The following CDC73 variants were observed in gnomAD, a reference collection of about 807,000 sequenced individuals.
The protein encoded by CDC73 is parafibromin.
CDC73 carries 21 observed loss-of-function variants against 83.7 expected under a neutral mutation model. The ratio of observed to expected loss-of-function variants is 0.25; its 90% CI spans 0.18 to 0.36. The LOEUF is 0.36. Among genes scored for constraint, CDC73 ranks in the 10% least tolerant of loss-of-function variants. The pLI is 1.00. For missense variants in CDC73, 342 were observed against 653.3 expected (o/e 0.52, Z 5.19); for synonymous variants, 224 against 212.9 (o/e 1.05, Z -0.45).
intron 15 of CDC73, among the ~76,000 whole-genome samples, chr1:193,248,404 A>G (rs569078278): frequency 5.9e-5 from 9 of 152,186 alleles, no homozygotes; most frequent in African/African-American, 2.2e-4. Context: ...GTTCAAGGAG[A>G]TGAATGTTGT....
At chr1:193,197,161 G>T (rs1049328901) in intron 10 of CDC73, among the ~76,000 whole-genome samples, 1 of 151,922 alleles carries the variant, frequency 6.6e-6, no homozygotes, top group African/African-American at 2.4e-5. Flanking sequence ...ATTAATTTTT[G>T]TCTTTTTTTT....
chr1:193,220,489 A>G (rs531477713), intron 13 of CDC73, among the ~76,000 whole-genome samples: 11 of 152,308 alleles, frequency 7.2e-5, no homozygotes, highest in Non-Finnish European at 1.5e-5. Flanking sequence ...CATCTAAAAA[A>G]ACCATACTGC....
chr1:193,186,241 T>G (rs1363448858), intron 10 of CDC73: 1 of 152,632 alleles, frequency 6.6e-6, no homozygotes, highest in Non-Finnish European at 1.5e-5. Flanking sequence ...ATTTTCCCTT[T>G]CTTTCATTTT....
At chr1:193,198,464 G>T (rs566653772) in intron 10 of CDC73, among the ~76,000 whole-genome samples, 4 of 152,274 alleles carry the variant, frequency 2.6e-5, no homozygotes, top group African/African-American at 9.6e-5. Flanking sequence ...CCCTCCAGAG[G>T]ATGCAACAAT....
At chr1:193,146,208 G>T (rs1675998108) in intron 7 of CDC73, among the ~76,000 whole-genome samples, 2 of 152,220 alleles carry the variant, frequency 1.3e-5, no homozygotes, top group East Asian at 1.9e-4. Flanking sequence ...GCTTAGAGTA[G>T]ATTCTTACTA....
At chr1:193,161,519 T>TCAAA (rs1676308007) in intron 10 of CDC73, among the ~76,000 whole-genome samples, 1 of 140,480 alleles carries the variant, frequency 7.1e-6, no homozygotes, top group African/African-American at 2.6e-5. Context: ...AAATTAGAGT[T>TCAAA]TTATTTTGAA....
At chr1:193,177,825 G>C (rs952240288) in intron 10 of CDC73, among the ~76,000 whole-genome samples, 3 of 152,100 alleles carry the variant, frequency 2.0e-5, no homozygotes, top group Non-Finnish European at 4.4e-5. Flanking sequence ...TATACAAAGA[G>C]GTGTGAGGAG....
chr1:193,210,014 TTATATTCCACATGACAC>T (rs1460036345), intron 11 of CDC73, among the ~76,000 whole-genome samples: 2 of 152,234 alleles, frequency 1.3e-5, no homozygotes, highest in African/African-American at 4.8e-5. Context: ...CGAGACTATA[TTATATTCCACATGACAC>T]TATGTAGCCA....
At chr1:193,158,213 A>G (rs10801182) in intron 10 of CDC73, among the ~76,000 whole-genome samples, 109,954 of 151,810 alleles carry the variant, frequency 0.72, 40,093 homozygotes, top group South Asian at 0.82. Flanking sequence ...TTTTGCAACA[A>G]CTATGTATGT....
intron 7 of CDC73, among the ~76,000 whole-genome samples, chr1:193,146,244 T>C (rs1188093560): frequency 6.6e-6 from 1 of 152,132 alleles, no homozygotes; most frequent in East Asian, 1.9e-4. Context: ...GTTAAGTGAT[T>C]GATAGGCAGC....
chr1:193,229,074 T>C (rs1677613215), intron 13 of CDC73, among the ~76,000 whole-genome samples: 2 of 152,178 alleles, frequency 1.3e-5, no homozygotes, highest in South Asian at 4.1e-4. Context: ...CTATTTCACA[T>C]ACCCATTAGA....
chr1:193,135,220 A>G (rs1365814836), intron 3 of CDC73, among the ~76,000 whole-genome samples, 171 bp from the exon 4 acceptor site: 2 of 152,186 alleles, frequency 1.3e-5, no homozygotes, highest in African/African-American at 4.8e-5. Context: ...TCTAGTATAG[A>G]TTAATCTTTT....
At chr1:193,134,059 A>T (rs553928935) in intron 3 of CDC73, among the ~76,000 whole-genome samples, 1 of 152,152 alleles carries the variant, frequency 6.6e-6, no homozygotes, top group Admixed American at 6.5e-5. Context: ...GCAGCAGTCT[A>T]ACATTACAAA....
chr1:193,193,124 A>T (rs576168696), intron 10 of CDC73, among the ~76,000 whole-genome samples: 1 of 152,318 alleles, frequency 6.6e-6, no homozygotes, highest in East Asian at 1.9e-4. Flanking sequence ...AGACATGCCA[A>T]GTTTATAGGA....
intron 10 of CDC73, among the ~76,000 whole-genome samples, chr1:193,191,761 T>C (rs1676922115): frequency 6.6e-6 from 1 of 152,182 alleles, no homozygotes; most frequent in African/African-American, 2.4e-5. Flanking sequence ...AGATTGGTTG[T>C]ATTACCTGTG....
intron 11 of CDC73, among the ~76,000 whole-genome samples, chr1:193,204,882 C>A (rs1017835032): frequency 6.6e-6 from 1 of 152,044 alleles, no homozygotes; most frequent in African/African-American, 2.4e-5. Context: ...AATTTTTTTC[C>A]TGCAGCAGCA....
chr1:193,199,718 A>G (rs1182722608), intron 10 of CDC73, among the ~76,000 whole-genome samples: 1 of 151,982 alleles, frequency 6.6e-6, no homozygotes, highest in East Asian at 1.9e-4. Flanking sequence ...CTCAAAAAAA[A>G]AAAAAAAGAA....
chr1:193,199,144 A>C (rs1233835135), intron 10 of CDC73, among the ~76,000 whole-genome samples: 1 of 152,194 alleles, frequency 6.6e-6, no homozygotes, highest in Non-Finnish European at 1.5e-5. Context: ...AGAAGTCTTA[A>C]AAAAATTGTG....
intron 10 of CDC73, among the ~76,000 whole-genome samples, chr1:193,158,318 T>C (rs1676243660): frequency 6.6e-6 from 1 of 152,020 alleles, no homozygotes; most frequent in Admixed American, 6.6e-5. Context: ...TTTCCATCCA[T>C]CTGTTAGGAC....
Sources: allele counts gnomAD v4.1 joint callset (sites outside exome capture counted in the v4.1 genomes callset), GRCh38; gene constraint gnomAD v4.1.1; transcripts MANE v1.5; gene names NCBI Gene and HGNC (gene_info 2026-07-23, HGNC 2026-07-21).